GTSF1: variants seen among roughly 807,000 people sequenced by gnomAD.
The protein encoded by GTSF1 is gametocyte-specific factor 1.
A neutral mutation model predicts 28.9 loss-of-function variants in GTSF1; 11 were observed. The ratio of observed to expected loss-of-function variants is 0.38; its 90% CI spans 0.24 to 0.63. GTSF1 has a LOEUF of 0.63. Among genes scored for constraint, GTSF1 ranks in the 30% least tolerant of loss-of-function variants. The pLI is 0.56. For missense variants in GTSF1, 146 were observed against 201.0 expected (o/e 0.73, Z 1.66); for synonymous variants, 69 against 65.6 (o/e 1.05, Z -0.25).
At chr12:54,469,436 C>T (rs890155277) in intron 2 of GTSF1, among the ~76,000 whole-genome samples, 9 of 190 alleles carry the variant, frequency 0.047, no homozygotes, top group African/African-American at 0.14. Flanking sequence ...CTTGTAATCC[C>T]AGCACTTTTG....
intron 2 of GTSF1, among the ~76,000 whole-genome samples, chr12:54,466,669 A>T (rs1411951843): frequency 2.6e-5 from 4 of 152,166 alleles, no homozygotes; most frequent in Non-Finnish European, 5.9e-5. Flanking sequence ...CTTATGATTC[A>T]TATATATTAT....
chr12:54,462,759 G>A (rs776719872), intron 4 of GTSF1, 34 bp from the exon 5 acceptor site: 1 of 1,549,358 alleles, frequency 6.5e-7, no homozygotes, highest in Non-Finnish European at 8.9e-7. Context: ...ATAAGAGGGG[G>A]ATATTGCCAA....
intron 2 of GTSF1, among the ~76,000 whole-genome samples, chr12:54,470,099 C>T (rs900195552): frequency 4.6e-5 from 7 of 151,778 alleles, no homozygotes; most frequent in Non-Finnish European, 1.0e-4. Context: ...TGCTTGAACC[C>T]GGGAGGGTGG....
At chr12:54,468,412 T>G (rs1221753068) in intron 2 of GTSF1, among the ~76,000 whole-genome samples, 3 of 152,186 alleles carry the variant, frequency 2.0e-5, no homozygotes, top group African/African-American at 7.2e-5. Flanking sequence ...TAAGCCACCG[T>G]GCCCGGCCAA....
In GTSF1 at chr12:54,461,695, A is replaced by G. The variant is rs1191620905; in HGVS notation, c.392+414T>C. ...GAAGAAGAGATGCATATTCTTTCCT[A>G]ATAGGTACTCTGGATTTTCCAATCT... On this transcript the variant is annotated intron_variant, in intron 6 of 8. Transcript: ENST00000305879. 4.6e-5 allele frequency among the ~76,000 whole-genome samples: 7 copies of G among 152,154 alleles called. 1 individual carries two copies. The highest frequency in any genetic ancestry group is 3.2e-3 in the Middle Eastern group (1 of 316).
At chr12:54,472,842 A>T (rs1490318301) in intron 1 of GTSF1, among the ~76,000 whole-genome samples, 2 of 152,210 alleles carry the variant, frequency 1.3e-5, no homozygotes, top group Admixed American at 6.5e-5. Flanking sequence ...TTATGTTTGG[A>T]TCAAGAAATC....
intron 7 of GTSF1, chr12:54,459,628 T>G: frequency 3.6e-6 from 1 of 280,422 alleles, no homozygotes; most frequent in South Asian, 3.5e-5. Flanking sequence ...TTATGCTGGT[T>G]CTTATGACTT....
chr12:54,471,182 C>T, intron 2 of GTSF1, 51 bp downstream of exon 2: 1 of 1,423,076 alleles, frequency 7.0e-7, no homozygotes, highest in African/African-American at 1.4e-5. Context: ...AGATATAAAA[C>T]TATACGTAAA....
At chr12:54,458,622 T>C (rs1321766346) in intron 8 of GTSF1, among the ~76,000 whole-genome samples, 1 of 152,094 alleles carries the variant, frequency 6.6e-6, no homozygotes, top group African/African-American at 2.4e-5. Context: ...TCTGCCCGCC[T>C]TGGTCTCCCC....
chr12:54,461,387 A>G (rs1956420860), intron 6 of GTSF1, among the ~76,000 whole-genome samples: 1 of 151,982 alleles, frequency 6.6e-6, no homozygotes, highest in South Asian at 2.1e-4. Context: ...GCCTGGCCAG[A>G]AATCATCTAG....
intron 2 of GTSF1, among the ~76,000 whole-genome samples, chr12:54,467,367 T>C (rs1592322553): frequency 6.6e-6 from 1 of 151,492 alleles, no homozygotes; most frequent in Non-Finnish European, 1.5e-5. Context: ...CAGGCTGGAG[T>C]GCAGTTGCAC....
chr12:54,456,888 T>G (rs778848146), intron 8 of GTSF1, among the ~76,000 whole-genome samples: 5 of 152,096 alleles, frequency 3.3e-5, no homozygotes, highest in African/African-American at 4.8e-5. Flanking sequence ...AGTTCGAGAC[T>G]GGCCTGGCCA....
At chr12:54,471,320 T>G in intron 1 of GTSF1, 43 bp from the exon 2 acceptor site, 3 of 1,431,104 alleles carry the variant, frequency 2.1e-6, no homozygotes, top group Non-Finnish European at 2.9e-6. Flanking sequence ...AGAAATAAAA[T>G]GTACCAAAAG....
At chr12:54,456,679 T>C (rs578240885) in intron 8 of GTSF1, among the ~76,000 whole-genome samples, 3 of 152,228 alleles carry the variant, frequency 2.0e-5, no homozygotes, top group Non-Finnish European at 4.4e-5. Context: ...CATGTATGTA[T>C]ATTCAAAAAC....
intron 6 of GTSF1, among the ~76,000 whole-genome samples, chr12:54,461,898 G>A (rs539371335): frequency 9.9e-5 from 15 of 152,104 alleles, no homozygotes; most frequent in Non-Finnish European, 1.9e-4. Flanking sequence ...AAACGATAAT[G>A]TATTTTTGTA....
intron 8 of GTSF1, among the ~76,000 whole-genome samples, chr12:54,458,395 C>G (rs1956368756): frequency 6.6e-6 from 1 of 152,186 alleles, no homozygotes; most frequent in Admixed American, 6.5e-5. Context: ...ATTTTTGAGA[C>G]ATAATCTTAC....
At chr12:54,471,106 A>G (rs1956587938) in intron 2 of GTSF1, 127 bp downstream of exon 2, 3 of 598,846 alleles carry the variant, frequency 5.0e-6, no homozygotes, top group African/African-American at 3.8e-5. Flanking sequence ...GGGCAATACC[A>G]TAAAGACTTT....
rs576959573 is a variant in GTSF1 at position 54,469,770 on chromosome 12, C to A, written c.16+1463G>T. On this transcript the variant is annotated intron_variant, in intron 2 of 8. Coordinates refer to ENST00000305879, the MANE Select transcript of GTSF1 (RefSeq NM_144594.3). ...GTGGTGTGATCATAGCTCACTGTAA[C>A]CTCTAACTCCTAGGCTCAAGTGATC... is the stretch of plus-strand genomic sequence containing the variant. 1.5e-3 allele frequency among the ~76,000 whole-genome samples: 220 copies of A among 150,364 alleles called. 1 individual carries two copies. The highest frequency in any genetic ancestry group is 5.2e-3 in the African/African-American group (215 of 40,998).
intron 4 of GTSF1, 50 bp from the exon 5 acceptor site, chr12:54,462,775 T>C (rs1465790059): frequency 6.7e-7 from 1 of 1,488,334 alleles, no homozygotes; most frequent in Non-Finnish European, 9.4e-7. Flanking sequence ...GCCAAGTTAT[T>C]GTGTTCAAAG....
Sources: gnomAD v4.1 joint callset for allele counts (sites outside exome capture counted in the v4.1 genomes callset) on GRCh38, gnomAD v4.1.1 for gene constraint, MANE v1.5 for transcripts, NCBI Gene and HGNC (gene_info 2026-07-23, HGNC 2026-07-21) for gene names.